Variants in TGFB2 observed in about 807,000 individuals in gnomAD.
TGFB2 encodes transforming growth factor beta-2 proprotein.
A neutral mutation model predicts 42.7 loss-of-function variants in TGFB2; 13 were observed. The observed-to-expected ratio is 0.30, with a 90% CI of 0.20 to 0.48. The LOEUF (loss-of-function observed/expected upper bound fraction) is 0.48, where lower values mean the gene tolerates loss of function less well. Among genes scored for constraint, TGFB2 ranks in the 20% least tolerant of loss-of-function variants. TGFB2 has a pLI of 0.99. For synonymous variants in TGFB2, 193 were observed against 193.6 expected, an observed-to-expected ratio of 1.00 and a Z score of 0.03; for missense variants, 390 against 517.5, an observed-to-expected ratio of 0.75 and a Z score of 2.39.
chr1:218,419,855 A>C (rs1217212155), intron 2 of TGFB2, among the ~76,000 whole-genome samples: 1 of 152,262 alleles, frequency 6.6e-6, no homozygotes, highest in African/African-American at 2.4e-5. Context: ...AAATAAAATA[A>C]AATTATGTAA....
intron 1 of TGFB2, among the ~76,000 whole-genome samples, chr1:218,352,296 A>T (rs558592165): frequency 1.3e-5 from 2 of 152,116 alleles, no homozygotes; most frequent in South Asian, 4.1e-4. Flanking sequence ...TGCTTGCTCT[A>T]TTTAGGCAGC....
At chr1:218,425,692 T>C (rs1471819625) in intron 2 of TGFB2, among the ~76,000 whole-genome samples, 1 of 152,186 alleles carries the variant, frequency 6.6e-6, no homozygotes, top group Non-Finnish European at 1.5e-5. Context: ...AAGTCCAAGA[T>C]AATGGAGAAT....
chr1:218,383,659 A>G (rs747361802), intron 1 of TGFB2, among the ~76,000 whole-genome samples: 1 of 152,204 alleles, frequency 6.6e-6, no homozygotes, highest in East Asian at 1.9e-4. Context: ...CCCTTCAGCC[A>G]TACTGTTTGT....
chr1:218,349,379 G>A (rs1265807653), intron 1 of TGFB2, among the ~76,000 whole-genome samples: 5 of 152,174 alleles, frequency 3.3e-5, no homozygotes, highest in African/African-American at 7.2e-5. Context: ...TTTTTAAAAA[G>A]CAAATTGAAA....
chr1:218,405,029 GT>G (rs1658859965), intron 1 of TGFB2, 139 bp from the exon 2 acceptor site: 2 of 868,768 alleles, frequency 2.3e-6, no homozygotes, highest in African/African-American at 3.4e-5. Flanking sequence ...TGGTTACATT[GT>G]TAATGGTATT....
At chr1:218,405,927 G>T (rs776333029) in intron 2 of TGFB2, among the ~76,000 whole-genome samples, 10 of 152,066 alleles carry the variant, frequency 6.6e-5, no homozygotes, top group Non-Finnish European at 8.8e-5. Flanking sequence ...CAGAGGGTTT[G>T]GTTCCAGAAG....
intron 1 of TGFB2, among the ~76,000 whole-genome samples, chr1:218,384,569 A>G (rs1218047130): frequency 1.3e-5 from 2 of 152,206 alleles, no homozygotes; most frequent in Non-Finnish European, 2.9e-5. Flanking sequence ...TGAAAACAGT[A>G]TCTACCTCGC....
chr1:218,361,395 T>C (rs1327078902), intron 1 of TGFB2, among the ~76,000 whole-genome samples: 1 of 152,204 alleles, frequency 6.6e-6, no homozygotes, highest in East Asian at 1.9e-4. Flanking sequence ...AACTGCAGGC[T>C]GGAAATTGCA....
chr1:218,374,385 T>A (rs1657674698), intron 1 of TGFB2, among the ~76,000 whole-genome samples: 1 of 152,186 alleles, frequency 6.6e-6, no homozygotes, highest in Non-Finnish European at 1.5e-5. Flanking sequence ...TTTGCACATA[T>A]GTACCATAAC....
chr1:218,372,500 A>C (rs1657605066), intron 1 of TGFB2, among the ~76,000 whole-genome samples: 1 of 152,222 alleles, frequency 6.6e-6, no homozygotes, highest in African/African-American at 2.4e-5. Flanking sequence ...GAGACCAGGA[A>C]GGTAACTCCC....
chr1:218,397,096 G>A (rs1468191233), intron 1 of TGFB2, among the ~76,000 whole-genome samples: 23 of 151,726 alleles, frequency 1.5e-4, no homozygotes, highest in Middle Eastern at 6.3e-3. Context: ...GTGAAATCCC[G>A]TCTCTACTAA....
Position 218,346,505 on chromosome 1 carries a change from CCTTTT to C in TGFB2, c.-191_-187del, listed in dbSNP as rs1323996335. ...ATATTTCCACTTTTGGAACTACTGG[CCTTTT>C]CTTTTTAAAGGAATTCAAGCAGGAT... On this transcript the variant is annotated 5_prime_UTR_variant, in exon 1 of 7. Coordinates refer to ENST00000366930, the MANE Select transcript of TGFB2 (RefSeq NM_003238.6). This position sits in a 1 kb window ranked among gnomAD's most constrained non-coding sequence, Gnocchi z 4.9. The C allele has an allele frequency of 3.7e-6, 2 of 533,432 alleles. No homozygotes were observed. The highest frequency in any genetic ancestry group is 6.4e-6 in the Non-Finnish European group (2 of 310,922). 33.0% of individuals were successfully genotyped at this position (533,432 alleles called of 1,614,324 possible).
intron 1 of TGFB2, among the ~76,000 whole-genome samples, chr1:218,387,898 T>A (rs1294751978): frequency 6.6e-5 from 10 of 152,340 alleles, no homozygotes; most frequent in Non-Finnish European, 1.3e-4. Context: ...CTGAGATATT[T>A]GAAAGGGTTC....
chr1:218,356,112 A>G (rs924064760), intron 1 of TGFB2, among the ~76,000 whole-genome samples: 1 of 152,140 alleles, frequency 6.6e-6, no homozygotes, highest in African/African-American at 2.4e-5. Context: ...TCCACATAGT[A>G]TATACTCCTC....
chr1:218,422,100 A>G (rs191063011), intron 2 of TGFB2, among the ~76,000 whole-genome samples: 14 of 152,004 alleles, frequency 9.2e-5, no homozygotes, highest in Admixed American at 9.2e-4. Context: ...TATCAAGCCA[A>G]CTCTCCCTAA....
intron 1 of TGFB2, among the ~76,000 whole-genome samples, chr1:218,390,354 C>T (rs1658279883): frequency 6.6e-6 from 1 of 151,468 alleles, no homozygotes; most frequent in African/African-American, 2.4e-5. Context: ...AAAAAAACAG[C>T]TTATTTTTTT....
Position 218,441,642 on chromosome 1 carries a change from A to G in TGFB2, c.*280A>G, listed in dbSNP as rs759292198. ...GCAAATTTTTTTTAAAGAAAAAAAT[A>G]AACACTGGAAGAATTTATTAGTGTT... On this transcript the variant is annotated 3_prime_UTR_variant, in exon 7 of 7. Transcript: ENST00000366930. 3.8e-6 allele frequency: 1 copy of G among 264,302 alleles called. No homozygotes were observed. The highest frequency in any genetic ancestry group is 7.1e-6 in the Non-Finnish European group (1 of 140,090). The allele number at this position is 264,302 out of a possible 1,614,324, so 16.4% of individuals were successfully genotyped here. A position where few individuals can be genotyped will look rare whatever the true frequency, so the allele number is the denominator to read the frequency against.
chr1:218,402,239 T>C (rs1658745661), intron 1 of TGFB2, among the ~76,000 whole-genome samples: 1 of 152,194 alleles, frequency 6.6e-6, no homozygotes, highest in Non-Finnish European at 1.5e-5. Flanking sequence ...CTTCTACTTA[T>C]AAAACAAGGA....
At chr1:218,406,177 A>G (rs1476927160) in intron 2 of TGFB2, among the ~76,000 whole-genome samples, 1 of 143,700 alleles carries the variant, frequency 7.0e-6, no homozygotes, top group Non-Finnish European at 1.5e-5. Context: ...CACTGTCTCC[A>G]GTCTACCCAC....
Sources: allele counts gnomAD v4.1 joint callset (sites outside exome capture counted in the v4.1 genomes callset), GRCh38; gene constraint gnomAD v4.1.1; non-coding constraint Gnocchi (gnomAD v3.1); transcripts MANE v1.5; gene names NCBI Gene and HGNC (gene_info 2026-07-23, HGNC 2026-07-21).